CDH13: variants seen among roughly 807,000 people sequenced by gnomAD.
CDH13 encodes cadherin-13.
CDH13 carries 24 observed loss-of-function variants against 63.8 expected under a neutral mutation model. The observed-to-expected ratio is 0.38, with a 90% confidence interval of 0.27 to 0.53. The LOEUF is 0.53. CDH13 is among the 20% of genes least tolerant of loss of function. CDH13 has a pLI of 0.85. For synonymous variants in CDH13, 503 were observed against 355.3 expected, an observed-to-expected ratio of 1.42 and a Z score of -4.67; for missense variants, 1,049 against 903.1, an observed-to-expected ratio of 1.16 and a Z score of -2.07.
At chr16:82,697,291 C>T (rs564268633) in intron 1 of CDH13, among the ~76,000 whole-genome samples, 1 of 152,174 alleles carries the variant, frequency 6.6e-6, no homozygotes, top group South Asian at 2.1e-4. Flanking sequence ...GTTAATAGCA[C>T]AGTTGATCCA....
chr16:83,419,451 C>T (rs2071649685), intron 6 of CDH13, among the ~76,000 whole-genome samples: 1 of 152,116 alleles, frequency 6.6e-6, no homozygotes, highest in Admixed American at 6.5e-5. Flanking sequence ...ACCCCTCAGC[C>T]ACCAATAAGT....
intron 7 of CDH13, among the ~76,000 whole-genome samples, chr16:83,532,835 G>C (rs2075109817): frequency 6.6e-6 from 1 of 152,190 alleles, no homozygotes; most frequent in Non-Finnish European, 1.5e-5. Context: ...TGTGTGTTAT[G>C]AGCCATGCGT....
chr16:82,639,573 T>G, intron 1 of CDH13: 1 of 711,424 alleles, frequency 1.4e-6, no homozygotes, highest in East Asian at 2.7e-5. Context: ...CTCTTTGTAA[T>G]TCTTTCCCCA....
chr16:82,838,043 C>G (rs1267384186), intron 1 of CDH13, among the ~76,000 whole-genome samples: 1 of 152,208 alleles, frequency 6.6e-6, no homozygotes, highest in Non-Finnish European at 1.5e-5. Context: ...TACCTGTTAA[C>G]CAACCTGACA....
At chr16:83,256,931 G>T (rs35048356) in intron 5 of CDH13, among the ~76,000 whole-genome samples, 15 of 151,338 alleles carry the variant, frequency 9.9e-5, no homozygotes, top group African/African-American at 3.6e-4. Context: ...ACAAATATTA[G>T]AATTTGTTGC....
chr16:83,144,628 C>G (rs931883294), intron 4 of CDH13, among the ~76,000 whole-genome samples: 3 of 152,198 alleles, frequency 2.0e-5, no homozygotes, highest in African/African-American at 7.2e-5. Flanking sequence ...CCAGATCCTG[C>G]CAAAGGCAAA....
At chr16:83,173,667 A>C (rs1332266556) in intron 4 of CDH13, among the ~76,000 whole-genome samples, 1 of 152,126 alleles carries the variant, frequency 6.6e-6, no homozygotes, top group Non-Finnish European at 1.5e-5. Flanking sequence ...TTTTATTTGC[A>C]AAATTTGGCA....
At chr16:82,868,512 A>T (rs1715023547) in intron 2 of CDH13, among the ~76,000 whole-genome samples, 1 of 152,242 alleles carries the variant, frequency 6.6e-6, no homozygotes. Context: ...AGATCCTTCC[A>T]TTGGACTTGG....
chr16:83,090,003 A>G (rs1276950871), intron 3 of CDH13, among the ~76,000 whole-genome samples: 2 of 152,164 alleles, frequency 1.3e-5, no homozygotes, highest in Non-Finnish European at 1.5e-5. Flanking sequence ...ATTTGAGGCT[A>G]GAAGCATGTA....
At chr16:82,861,556 C>A (rs1353334523) in intron 2 of CDH13, among the ~76,000 whole-genome samples, 1 of 152,116 alleles carries the variant, frequency 6.6e-6, no homozygotes, top group Non-Finnish European at 1.5e-5. Context: ...GTAATATTTC[C>A]TTTTATCCTT....
chr16:83,249,288 G>C (rs566194917), intron 5 of CDH13, among the ~76,000 whole-genome samples: 12 of 152,316 alleles, frequency 7.9e-5, no homozygotes, highest in Admixed American at 7.2e-4. Flanking sequence ...TGAGACCGTT[G>C]TTAATGTCTC....
At position 82,706,039 on chromosome 16, in the gene CDH13, C is replaced by A. The variant is rs574040691; in HGVS notation, c.45+78902C>A. Among the ~76,000 whole-genome samples the A allele has an allele frequency of 9.2e-5, 14 of 151,912 alleles. No homozygotes were observed. In the South Asian group the frequency reaches 2.7e-3, roughly 29 times the overall value. ...CCCACCCTGTTTTTATTCTGTCTTC[C>A]CTCCCTTCTTCCCTTCTTCCTTATT... is the stretch of plus-strand genomic sequence containing the variant. On this transcript the variant is annotated intron_variant, in intron 1 of 13. Coordinates refer to ENST00000567109, the MANE Select transcript of CDH13 (RefSeq NM_001257.5).
chr16:83,025,718 T>C (rs1915740627), intron 2 of CDH13, among the ~76,000 whole-genome samples: 1 of 152,076 alleles, frequency 6.6e-6, no homozygotes, highest in Non-Finnish European at 1.5e-5. Flanking sequence ...CCTTAAAACT[T>C]CCCTTTCTTG....
At chr16:83,021,143 TG>T (rs1297211979) in intron 2 of CDH13, among the ~76,000 whole-genome samples, 6 of 152,212 alleles carry the variant, frequency 3.9e-5, no homozygotes, top group African/African-American at 1.4e-4. Context: ...TTTCGCTTAA[TG>T]GGTGACTTTC....
chr16:82,941,574 G>C (rs1372169379), intron 2 of CDH13, among the ~76,000 whole-genome samples: 1 of 152,120 alleles, frequency 6.6e-6, no homozygotes, highest in Non-Finnish European at 1.5e-5. Flanking sequence ...ACACTTTATT[G>C]AAATTCTAGA....
intron 4 of CDH13, among the ~76,000 whole-genome samples, chr16:83,188,839 C>T (rs191600421): frequency 3.0e-4 from 45 of 152,296 alleles, no homozygotes; most frequent in Middle Eastern, 3.4e-3. Context: ...AGCTGCTTGT[C>T]GCCTTGCCTT....
intron 7 of CDH13, among the ~76,000 whole-genome samples, chr16:83,528,213 T>G (rs572531244): frequency 2.1e-4 from 32 of 152,370 alleles, no homozygotes; most frequent in Non-Finnish European, 4.4e-5. Flanking sequence ...TAAATCTAAG[T>G]AATATCCCTG....
At chr16:83,777,218 G>A (rs895320885) in intron 11 of CDH13, among the ~76,000 whole-genome samples, 5 of 152,192 alleles carry the variant, frequency 3.3e-5, no homozygotes, top group African/African-American at 1.2e-4. Flanking sequence ...GATTGTTCCT[G>A]GATCACTGCC....
At chr16:83,334,357 TCTCTCACACACACA>T (rs777441085) in intron 5 of CDH13, among the ~76,000 whole-genome samples, 24 of 58,280 alleles carry the variant, frequency 4.1e-4, no homozygotes, top group African/African-American at 1.2e-3. Flanking sequence ...TCTCTCTCTC[TCTCTCACACACACA>T]CACACACACA....
Sources: allele counts gnomAD v4.1 joint callset (sites outside exome capture counted in the v4.1 genomes callset), GRCh38; gene constraint gnomAD v4.1.1; transcripts MANE v1.5; gene names NCBI Gene and HGNC (gene_info 2026-07-23, HGNC 2026-07-21).